Variants in PHC2 observed in about 807,000 individuals in gnomAD.
PHC2 encodes polyhomeotic-like protein 2.
PHC2 carries 29 observed loss-of-function variants against 87.4 expected under a neutral mutation model. The ratio of observed to expected loss-of-function variants is 0.33; its 90% CI spans 0.25 to 0.45. The LOEUF (loss-of-function observed/expected upper bound fraction) is 0.45, where lower values mean the gene tolerates loss of function less well. Ranked by LOEUF, PHC2 falls within the 20% of genes least tolerant of loss-of-function variation. The pLI is 1.00. For synonymous variants in PHC2, 438 were observed against 461.7 expected, an observed-to-expected ratio of 0.95 and a Z score of 0.66; for missense variants, 857 against 1,136.7, an observed-to-expected ratio of 0.75 and a Z score of 3.54.
At chr1:33,374,049 C>T (rs561328298) in intron 2 of PHC2, among the ~76,000 whole-genome samples, 1 of 152,156 alleles carries the variant, frequency 6.6e-6, no homozygotes, top group Non-Finnish European at 1.5e-5. Context: ...TCTCCGATAC[C>T]CTGTTTTATT....
chr1:33,402,293 C>G (rs1196546817), intron 1 of PHC2, among the ~76,000 whole-genome samples: 3 of 152,140 alleles, frequency 2.0e-5, no homozygotes. Context: ...ATATCAAACA[C>G]TGGGGAGGAT....
At chr1:33,361,529 T>C (rs1412609747) in intron 7 of PHC2, among the ~76,000 whole-genome samples, 2 of 152,082 alleles carry the variant, frequency 1.3e-5, no homozygotes, top group Non-Finnish European at 1.5e-5. Flanking sequence ...TTAGTAGAGA[T>C]GGGGTTTCAC....
In PHC2 at chr1:33,331,839, C is replaced by T; in HGVS notation, c.1892-377G>A. 1 of 288,156 alleles carries T rather than the reference C, an allele frequency of 3.5e-6. No homozygotes were observed. The highest frequency in any genetic ancestry group is 6.6e-6 in the Non-Finnish European group (1 of 152,106). The allele number at this position is 288,156 out of a possible 1,614,324, so 17.8% of individuals were successfully genotyped here. On this transcript the variant is annotated intron_variant, in intron 11 of 14. Coordinates refer to ENST00000683057, the MANE Select transcript of PHC2 (RefSeq NM_001385109.1). The surrounding 1 kb of genome is among the most constrained non-coding windows in gnomAD (Gnocchi z 5.2). The stretch of plus-strand genomic sequence containing the variant: ...CTTGATCTATGCAGCTGGCTGCTGA[C>T]CCAGTAAAAGACCTCAGGAGCCCAC...
chr1:33,402,197 A>C (rs184899889), intron 1 of PHC2, among the ~76,000 whole-genome samples: 112 of 152,314 alleles, frequency 7.4e-4, no homozygotes, highest in Admixed American at 1.7e-3. Context: ...ACTTCACTTT[A>C]TTAATAATCA....
At position 33,332,455 on chromosome 1, in the gene PHC2, C is replaced by T; in HGVS notation, c.1762-51G>A. 6.2e-7 allele frequency: 1 copy of T among 1,609,986 alleles called. No individual in the cohort carries two copies. The highest frequency in any genetic ancestry group is 8.5e-7 in the Non-Finnish European group (1 of 1,176,850). On this transcript the variant is annotated intron_variant, in intron 10 of 14. Transcript: ENST00000683057. This position sits in a 1 kb window ranked among gnomAD's most constrained non-coding sequence, Gnocchi z 4.2. ...GTGAGGGTCAGGTGGGAGCGGCTTCCTTGCTATCCATCCTCATCACAATTA... is the reference window on the plus strand; with the variant it reads ...GTGAGGGTCAGGTGGGAGCGGCTTCTTTGCTATCCATCCTCATCACAATTA...
rs907467386 is a variant in PHC2, at chr1:33,334,383, G to A, written c.1559-91C>T. 2.5e-5 allele frequency: 29 copies of A among 1,166,972 alleles called. No homozygotes were observed. Among genetic ancestry groups the A allele is most frequent in the Middle Eastern group, 2.8e-4 (1 of 3,616 alleles). 72.3% of individuals were successfully genotyped at this position (1,166,972 alleles called of 1,614,324 possible). A position where few individuals can be genotyped will look rare whatever the true frequency, so the allele number is the denominator to read the frequency against. On this transcript the variant is annotated intron_variant, in intron 9 of 14. Coordinates refer to ENST00000683057, the MANE Select transcript of PHC2 (RefSeq NM_001385109.1). The surrounding 1 kb of genome is among the most constrained non-coding windows in gnomAD (Gnocchi z 5.5). ...GACAGCAAGGACTCAAACTGCGCCC[G>A]GCTTTTACCGTGGGGCCAAGCGACA...
At chr1:33,354,768 C>A in intron 8 of PHC2, 70 bp downstream of exon 8, 2 of 1,522,592 alleles carry the variant, frequency 1.3e-6, no homozygotes, top group Non-Finnish European at 1.8e-6. Flanking sequence ...CACCTCTTGA[C>A]GGGGCTGTGG....
Position 33,430,547 on chromosome 1 carries a change from G to A in PHC2, c.-55+429C>T, listed in dbSNP as rs1229395158. On this transcript the variant is annotated intron_variant, in intron 1 of 14. Transcript: ENST00000683057. ...GCAGGCGCAGGCCGCGCAAGACCAC[G>A]GGCTGCCGCGGCGCGGGCCTCTCCG... Among the ~76,000 whole-genome samples, 3 of 152,206 alleles carry A rather than the reference G, an allele frequency of 2.0e-5. No individual in the cohort carries two copies. The South Asian group carries it at 6.2e-4, about 31-fold the overall frequency.
intron 1 of PHC2, among the ~76,000 whole-genome samples, chr1:33,379,292 C>T (rs769578575): frequency 6.1e-5 from 6 of 98,216 alleles, no homozygotes; most frequent in African/African-American, 8.2e-5. Context: ...CCCCGCCCAC[C>T]GCCCCCCTGC....
chr1:33,399,247 G>C (rs1649417414), intron 1 of PHC2, among the ~76,000 whole-genome samples: 2 of 152,150 alleles, frequency 1.3e-5, no homozygotes, highest in African/African-American at 2.4e-5. Context: ...AAGGAATAAA[G>C]AGGATGTGTG....
In PHC2 at chr1:33,330,078, T is replaced by C. The variant is rs1236993039; in HGVS notation, c.2141A>G (p.Lys714Arg). The change falls in exon 13 of 15, where the codon AAG (lysine) becomes AGG (arginine). Residue 714 changes from lysine to arginine, a missense_variant. Transcript: ENST00000683057. ...GCTCTGCCCGCCTCTTACCTGCTTC[T>C]TGGTATCCTTGGTAAGTGGTGGCAG... ...ASLPPLTKDT[K>R]KQPTGTVPLS... 1.2e-6 allele frequency: 2 copies of C among 1,613,724 alleles called. No homozygotes were observed. The highest frequency in any genetic ancestry group is 1.3e-5 in the African/African-American group (1 of 74,936).
At chr1:33,430,500 C>T (rs895140220) in intron 1 of PHC2, among the ~76,000 whole-genome samples, 8 of 152,138 alleles carry the variant, frequency 5.3e-5, no homozygotes, top group African/African-American at 1.9e-4. Flanking sequence ...CGGGTCTCAC[C>T]GCACTCTGCG....
chr1:33,324,811 C>A lies in PHC2; in HGVS notation c.*54G>T. On this transcript the variant is annotated 3_prime_UTR_variant, in exon 15 of 15. Transcript: ENST00000683057. Reference sequence around the variant, plus strand: ...GGGCCCCTCAGGAATGTCTGTCTGGCTCTGCTCAGTCGGGAGGAGGCGCCC... The same window carrying A: ...GGGCCCCTCAGGAATGTCTGTCTGGATCTGCTCAGTCGGGAGGAGGCGCCC... The A allele has an allele frequency of 6.4e-7, 1 of 1,556,982 alleles. No homozygotes were observed. The highest frequency in any genetic ancestry group is 1.2e-5 in the South Asian group (1 of 82,564).
chr1:33,330,347 ACTAG>A, intron 12 of PHC2, 135 bp from the exon 13 acceptor site: 1 of 886,292 alleles, frequency 1.1e-6, no homozygotes, highest in Non-Finnish European at 1.8e-6. Context: ...ATCACTAACT[ACTAG>A]CTGTGTGACT....
intron 1 of PHC2, among the ~76,000 whole-genome samples, chr1:33,411,799 T>C (rs1649993330): frequency 6.6e-6 from 1 of 152,206 alleles, no homozygotes; most frequent in African/African-American, 2.4e-5. Context: ...GTCCTCATGA[T>C]CTGCCTGCCT....
chr1:33,325,001 T>C lies in PHC2; in HGVS notation c.2444A>G (p.Glu815Gly), dbSNP rs756915317. 6.8e-6 allele frequency: 11 copies of C among 1,612,724 alleles called. No homozygotes were observed. Among genetic ancestry groups the C allele is most frequent in the Non-Finnish European group, 1.7e-6 (2 of 1,179,072 alleles). The change falls in exon 15 of 15, where the codon GAG (glutamate) becomes GGG (glycine). Residue 815 changes from glutamate to glycine, a missense_variant. This residue lies in a region of PHC2 where 832 missense variants were observed against 1,081.8 expected (regional missense o/e 0.77). Transcript: ENST00000683057. Reference sequence around the variant, plus strand: ...GTCGATTTCCTGGGCACGGAATTCCTCTGCTATCTCCTGGCAGCCTGAGGG... The same window carrying C: ...GTCGATTTCCTGGGCACGGAATTCCCCTGCTATCTCCTGGCAGCCTGAGGG... ...RSLPGCQEIA[E>G]EFRAQEIDGQ...
At chr1:33,358,485 T>G (rs1164783234) in intron 7 of PHC2, among the ~76,000 whole-genome samples, 1 of 152,196 alleles carries the variant, frequency 6.6e-6, no homozygotes, top group Non-Finnish European at 1.5e-5. Flanking sequence ...ACAAAGATCA[T>G]GATTTAACTC....
intron 1 of PHC2, among the ~76,000 whole-genome samples, chr1:33,384,843 T>C (rs1648661339): frequency 6.6e-6 from 1 of 152,222 alleles, no homozygotes; most frequent in African/African-American, 2.4e-5. Context: ...ATGCCTAACA[T>C]GGTGCCGAGC....
intron 1 of PHC2, among the ~76,000 whole-genome samples, chr1:33,396,039 G>A (rs893123500): frequency 3.3e-5 from 5 of 152,174 alleles, no homozygotes; most frequent in Admixed American, 1.3e-4. Flanking sequence ...TAGGACAGTC[G>A]TGGAAATTTT....
Sources: allele counts gnomAD v4.1 joint callset (sites outside exome capture counted in the v4.1 genomes callset), GRCh38; gene constraint gnomAD v4.1.1; regional missense constraint gnomAD v4.1.1; non-coding constraint Gnocchi (gnomAD v3.1); transcripts MANE v1.5; gene names NCBI Gene and HGNC (gene_info 2026-07-23, HGNC 2026-07-21).